The following CRB2 variants were observed in gnomAD, a reference collection of about 807,000 sequenced individuals.
The protein encoded by CRB2 is crumbs cell polarity complex component 2.
Under a neutral mutation model 110.9 loss-of-function variants are expected in CRB2, and 85 were observed. That is an observed-to-expected ratio of 0.77 (90% CI 0.64 to 0.92). The LOEUF (loss-of-function observed/expected upper bound fraction) is 0.92, where lower values mean the gene tolerates loss of function less well. Ranked by LOEUF, CRB2 falls within the 40% of genes least tolerant of loss-of-function variation. The pLI is 0.00. For synonymous variants in CRB2, 907 were observed against 831.0 expected (o/e 1.09, Z -1.57); for missense variants, 1,843 against 1,851.3 (o/e 1.00, Z 0.08).
intron 5 of CRB2, 94 bp downstream of exon 5, chr9:123,367,451 A>ACCCCCC: frequency 7.5e-6 from 1 of 133,444 alleles, no homozygotes; most frequent in East Asian, 1.8e-4. Flanking sequence ...CCCCCACCCC[A>ACCCCCC]CACCCCACAC....
At chr9:123,360,989 G>C (rs926127131) in intron 1 of CRB2, among the ~76,000 whole-genome samples, 4 of 152,064 alleles carry the variant, frequency 2.6e-5, no homozygotes, top group African/African-American at 4.8e-5. Context: ...CTGTCATTTA[G>C]AGCCCATCTG....
At chr9:123,369,987 C>T (rs2132770986) in intron 6 of CRB2, 121 bp from the exon 7 acceptor site, 1 of 1,206,878 alleles carries the variant, frequency 8.3e-7, no homozygotes. Context: ...GAGAAATCCT[C>T]TGGGAATTGG....
At chr9:123,364,107 G>A (rs1021716807) in intron 2 of CRB2, among the ~76,000 whole-genome samples, 3 of 152,212 alleles carry the variant, frequency 2.0e-5, no homozygotes, top group Non-Finnish European at 1.5e-5. Context: ...GCGAAGAGAT[G>A]GCAGCTGATG....
chr9:123,374,056 A>G (rs1354784420), intron 10 of CRB2, 136 bp downstream of exon 10: 1 of 1,125,384 alleles, frequency 8.9e-7, no homozygotes, highest in East Asian at 2.6e-5. Context: ...TGAGGAGGAC[A>G]GTTTAATTTG....
Position 123,356,304 on chromosome 9 carries a change from C to A in CRB2, c.44C>A (p.Ala15Asp), listed in dbSNP as rs1452679051. 50 of 1,546,562 alleles carry A rather than the reference C, an allele frequency of 3.2e-5. No individual in the cohort carries two copies. The highest frequency in any genetic ancestry group is 4.3e-5 in the Non-Finnish European group (49 of 1,145,914). The change falls in exon 1 of 13, where the codon GCC becomes GAC. Residue 15 changes from alanine (A) to aspartate (D), a missense_variant. Coordinates refer to ENST00000373631, the MANE Select transcript of CRB2 (RefSeq NM_173689.7). ...GGGACCCCGGACCCCCAGGCCCTGG[C>A]CTCTGTCCTGCTACTGCTGCTCTGG... ...RPGTPDPQAL[A>D]SVLLLLLWAP...
chr9:123,365,956 C>T lies in CRB2; in HGVS notation c.458C>T (p.Ala153Val), dbSNP rs757315480. 3 of 1,597,170 alleles carry T rather than the reference C, an allele frequency of 1.9e-6. No homozygotes were observed. Among genetic ancestry groups the T allele is most frequent in the South Asian group, 1.1e-5 (1 of 90,882 alleles). ...CEMEVDECAS[A>V]PCLHGGSCLD... ...ATGGAGGTGGACGAGTGCGCCTCAG[C>T]GCCCTGCCTGCACGGGGGCTCGTGC... The change falls in exon 3 of 13, where the codon GCG (alanine) becomes GTG (valine). Residue 153 changes from alanine to valine, a missense_variant. Transcript: ENST00000373631.
chr9:123,355,263 A>T (rs1324657405), upstream of CRB2, among the ~76,000 whole-genome samples: 11 of 152,150 alleles, frequency 7.2e-5, no homozygotes, highest in South Asian at 1.7e-3. Context: ...GAGCAAGCAA[A>T]CATCGAGTGC....
rs543120648 is a variant in CRB2 at position 123,378,245 on chromosome 9, C to G, written c.*1183C>G. The G allele has an allele frequency of 6.6e-6, 1 of 152,422 alleles. No individual in the cohort carries two copies. Among genetic ancestry groups the G allele is most frequent in the East Asian group, 1.9e-4 (1 of 5,184 alleles). The allele number at this position is 152,422 out of a possible 1,614,324, so 9.4% of individuals were successfully genotyped here. A position where few individuals can be genotyped will look rare whatever the true frequency, so the allele number is the denominator to read the frequency against. ...GGCCGACTCAGAGGAGACTCTGCTGCTTGCTCCCAGCCCCTTCCCCGGCGA... is the reference window on the plus strand; with the variant it reads ...GGCCGACTCAGAGGAGACTCTGCTGGTTGCTCCCAGCCCCTTCCCCGGCGA... On this transcript the variant is annotated 3_prime_UTR_variant, in exon 13 of 13. Coordinates refer to ENST00000373631, the MANE Select transcript of CRB2 (RefSeq NM_173689.7).
intron 6 of CRB2, 56 bp from the exon 7 acceptor site, chr9:123,370,052 A>G: frequency 6.5e-7 from 1 of 1,532,558 alleles, no homozygotes; most frequent in Non-Finnish European, 8.8e-7. Flanking sequence ...GTTCTGGGTC[A>G]GTACTGTGAT....
chr9:123,373,172 G>C lies in CRB2; in HGVS notation c.2641G>C (p.Ala881Pro), dbSNP rs1228978378. The C allele has an allele frequency of 4.0e-6, 6 of 1,514,290 alleles. No individual in the cohort carries two copies. Among genetic ancestry groups the C allele is most frequent in the East Asian group, 2.7e-5 (1 of 37,154 alleles). The allele number at this position is 1,514,290 out of a possible 1,614,324, so 93.8% of individuals were successfully genotyped here. A position where few individuals can be genotyped will look rare whatever the true frequency, so the allele number is the denominator to read the frequency against. The change falls in exon 10 of 13, where the codon GCG becomes CCG. Residue 881 changes from alanine (A) to proline (P), a missense_variant. Transcript: ENST00000373631. The stretch of plus-strand genomic sequence containing the variant: ...CACGTTCCGCGAGGGTCCCCCCGCC[G>C]CGTTCAGCGGGCACAACGCGTCGTC... ...EATFREGPPA[A>P]FSGHNASSGR...
chr9:123,365,676 A>AC (rs1438772558), intron 2 of CRB2, among the ~76,000 whole-genome samples: 1 of 151,326 alleles, frequency 6.6e-6, no homozygotes. Flanking sequence ...TGGCTGAATC[A>AC]CCCCCCACCA....
Position 123,373,630 on chromosome 9 carries a change from G to A in CRB2, c.3099G>A (p.Ala1033=), listed in dbSNP as rs1026718933. 1 of 1,368,424 alleles carries A rather than the reference G, an allele frequency of 7.3e-7. No individual in the cohort carries two copies. Among genetic ancestry groups the A allele is most frequent in the Non-Finnish European group, 9.4e-7 (1 of 1,068,922 alleles). 84.8% of individuals were successfully genotyped at this position (1,368,424 alleles called of 1,614,324 possible). A position where few individuals can be genotyped will look rare whatever the true frequency, so the allele number is the denominator to read the frequency against. The part of the protein sequence containing the change: ...PLPLARPRPG[A]APGAREHFAS... ...CCTTGGCGCGGCCCCGGCCCGGCGC[G>A]GCCCCTGGCGCCCGAGAGCACTTCG... The change falls in exon 10 of 13, where the codon GCG becomes GCA. Residue 1033 remains alanine, a synonymous_variant. Transcript: ENST00000373631.
rs1474272669 is a variant in CRB2 at position 123,371,400 on chromosome 9, C to G, written c.2258C>G (p.Ala753Gly). 1.2e-6 allele frequency: 2 copies of G among 1,608,726 alleles called. No individual in the cohort carries two copies. The highest frequency in any genetic ancestry group is 2.7e-5 in the African/African-American group (2 of 74,872). The change falls in exon 8 of 13, where the codon GCT becomes GGT. Residue 753 changes from alanine to glycine, a missense_variant. Ala to Gly is a moderately conservative substitution (Grantham distance 60). Transcript: ENST00000373631. ...GTGCACGTGGGTGGGAGGCTCCTTG[C>G]TGCCGACAGCCAGCCCTGGGGTGGG... ...QHVHVGGRLL[A>G]ADSQPWGGPF...
chr9:123,362,765 C>G, intron 1 of CRB2, 100 bp from the exon 2 acceptor site: 4 of 1,162,460 alleles, frequency 3.4e-6, no homozygotes, highest in Middle Eastern at 2.8e-4. Flanking sequence ...TGCAGAGACC[C>G]ACGTTGCTTT....
Position 123,374,153 on chromosome 9 carries a change from C to T in CRB2, c.3389+233C>T, listed in dbSNP as rs1172445134. 23 of 685,572 alleles carry T rather than the reference C, an allele frequency of 3.4e-5. No individual in the cohort carries two copies. In the Admixed American group the frequency reaches 5.2e-4, roughly 16 times the overall value. The allele number at this position is 685,572 out of a possible 1,614,324, so 42.5% of individuals were successfully genotyped here. A position where few individuals can be genotyped will look rare whatever the true frequency, so the allele number is the denominator to read the frequency against. ...CAGCGCTGTGGTCTGGGGCTGGGAG[C>T]CGCCTGCCGCTTACACGGAGGTTCA... On this transcript the variant is annotated intron_variant, in intron 10 of 12. Transcript: ENST00000373631.
intron 2 of CRB2, among the ~76,000 whole-genome samples, chr9:123,365,459 T>C (rs2041917947): frequency 6.6e-6 from 1 of 152,146 alleles, no homozygotes; most frequent in Admixed American, 6.5e-5. Context: ...TAGGGCATCA[T>C]GGCCCTGCCC....
Position 123,367,808 on chromosome 9 carries a change from T to G in CRB2, c.1054+122T>G, listed in dbSNP as rs1460218718. 12 of 689,342 alleles carry G rather than the reference T, an allele frequency of 1.7e-5. No homozygotes were observed. The African/African-American group carries it at 1.9e-4, about 11-fold the overall frequency. 42.7% of individuals were successfully genotyped at this position (689,342 alleles called of 1,614,324 possible). On this transcript the variant is annotated intron_variant, in intron 6 of 12. Transcript: ENST00000373631. ...GAGATCAGGGAGGAGGTGGGTATGGTGGCCCAGGTGACCGCTGAGGGTGGC... is the reference window on the plus strand; with the variant it reads ...GAGATCAGGGAGGAGGTGGGTATGGGGGCCCAGGTGACCGCTGAGGGTGGC...
chr9:123,354,296 C>T (rs2041776492), upstream of CRB2, among the ~76,000 whole-genome samples: 1 of 152,206 alleles, frequency 6.6e-6, no homozygotes, highest in Non-Finnish European at 1.5e-5. Context: ...GGAGACTGGA[C>T]CTGCGCCGGG....
At chr9:123,371,627 C>T in intron 8 of CRB2, 49 bp downstream of exon 8, 2 of 1,603,436 alleles carry the variant, frequency 1.2e-6, no homozygotes, top group Non-Finnish European at 1.7e-6. Flanking sequence ...GTCCTTTTCC[C>T]AGGATCTGTC....
Sources: gnomAD v4.1 joint callset for allele counts (sites outside exome capture counted in the v4.1 genomes callset) on GRCh38, gnomAD v4.1.1 for gene constraint, MANE v1.5 for transcripts, NCBI Gene and HGNC (gene_info 2026-07-23, HGNC 2026-07-21) for gene names.